The following SEC14L1 variants were observed in gnomAD, a reference collection of about 807,000 sequenced individuals.
SEC14L1 encodes SEC14 like lipid binding 1, also known as SEC14-like protein 1.
SEC14L1 carries 48 observed loss-of-function variants against 85.3 expected under a neutral mutation model. The observed-to-expected ratio is 0.56, with a 90% CI of 0.45 to 0.72. SEC14L1 has a LOEUF of 0.72. SEC14L1 is among the 30% of genes least tolerant of loss of function. The probability of loss-of-function intolerance (pLI) is 0.00; values close to 1 mark genes in which losing one functional copy is unlikely to be tolerated. For synonymous variants in SEC14L1, 391 were observed against 355.5 expected (o/e 1.10, Z -1.12); for missense variants, 682 against 921.4 (o/e 0.74, Z 3.36).
At chr17:77,119,792 A>C (rs1972254221) in intron 3 of SEC14L1, among the ~76,000 whole-genome samples, 1 of 152,148 alleles carries the variant, frequency 6.6e-6, no homozygotes, top group African/African-American at 2.4e-5. Flanking sequence ...CCTGCACTTA[A>C]ACCTACCAGC....
rs1023045652 is a variant in SEC14L1 at position 77,214,915 on chromosome 17, G to A, written c.*892G>A. The A allele has an allele frequency of 4.4e-5, 43 of 985,354 alleles. No homozygotes were observed. The South Asian group carries it at 9.4e-4, about 22-fold the overall frequency. 61.0% of individuals were successfully genotyped at this position (985,354 alleles called of 1,614,324 possible). A position where few individuals can be genotyped will look rare whatever the true frequency, so the allele number is the denominator to read the frequency against. On this transcript the variant is annotated 3_prime_UTR_variant, in exon 17 of 17. Coordinates refer to ENST00000436233, the MANE Select transcript of SEC14L1 (RefSeq NM_001143998.2). ...AGACAGTTCCAGCCACTAGGAGGCC[G>A]TCTTGGAACCAGCAAGTCGCATTTG... is the stretch of plus-strand genomic sequence containing the variant.
chr17:77,101,427 C>G (rs1971775793), intron 3 of SEC14L1, among the ~76,000 whole-genome samples: 1 of 152,196 alleles, frequency 6.6e-6, no homozygotes. Flanking sequence ...ACCCGCCCAC[C>G]TCAGCCTCCC....
At chr17:77,184,210 A>T (rs1975169069) in intron 3 of SEC14L1, among the ~76,000 whole-genome samples, 1 of 152,176 alleles carries the variant, frequency 6.6e-6, no homozygotes, top group African/African-American at 2.4e-5. Context: ...GCTGGGGCTC[A>T]GTTCAGTCAT....
Position 77,214,585 on chromosome 17 carries a change from T to C in SEC14L1, c.*562T>C. 1 of 988,088 alleles carries C rather than the reference T, an allele frequency of 1.0e-6. No homozygotes were observed. The highest frequency in any genetic ancestry group is 1.2e-6 in the Non-Finnish European group (1 of 831,674). 61.2% of individuals were successfully genotyped at this position (988,088 alleles called of 1,614,324 possible). The stretch of plus-strand genomic sequence containing the variant: ...TTCAGAGGTTGCCTGCGGAGTACCT[T>C]GTCCCAGGGCCAGACACACCCACAC... On this transcript the variant is annotated 3_prime_UTR_variant, in exon 17 of 17. Coordinates refer to ENST00000436233, the MANE Select transcript of SEC14L1 (RefSeq NM_001143998.2).
At chr17:77,131,019 G>A (rs1357217747) in intron 3 of SEC14L1, among the ~76,000 whole-genome samples, 2 of 152,122 alleles carry the variant, frequency 1.3e-5, no homozygotes, top group African/African-American at 2.4e-5. Context: ...AATTAGTGAC[G>A]ATGGTACCCA....
chr17:77,214,334 A>T lies in SEC14L1; in HGVS notation c.*311A>T, dbSNP rs1367871397. The T allele has an allele frequency of 4.6e-6, 5 of 1,097,330 alleles. No homozygotes were observed. The highest frequency in any genetic ancestry group is 5.6e-6 in the Non-Finnish European group (5 of 899,222). 68.0% of individuals were successfully genotyped at this position (1,097,330 alleles called of 1,614,324 possible). ...TTAAAGGATTGACGTGGTCTCAGAT[A>T]TTGATGCAAAAAATTTTTCCAACGA... On this transcript the variant is annotated 3_prime_UTR_variant, in exon 17 of 17. Coordinates refer to ENST00000436233, the MANE Select transcript of SEC14L1 (RefSeq NM_001143998.2).
At chr17:77,132,545 C>A (rs1972644029) in intron 3 of SEC14L1, among the ~76,000 whole-genome samples, 2 of 152,134 alleles carry the variant, frequency 1.3e-5, no homozygotes, top group South Asian at 4.1e-4. Flanking sequence ...GCATTAAACA[C>A]AACCCCCCAG....
intron 7 of SEC14L1, among the ~76,000 whole-genome samples, chr17:77,195,237 C>A (rs1259462253): frequency 2.0e-5 from 3 of 151,898 alleles, no homozygotes. Flanking sequence ...CTCAAGCAAT[C>A]CTTCTGCCTC....
intron 3 of SEC14L1, among the ~76,000 whole-genome samples, chr17:77,184,851 G>T (rs1161867003): frequency 6.6e-6 from 1 of 152,144 alleles, no homozygotes; most frequent in East Asian, 1.9e-4. Flanking sequence ...GTTTTTCAGG[G>T]CCTGCTTACA....
At chr17:77,108,199 A>G (rs998475975) in intron 3 of SEC14L1, among the ~76,000 whole-genome samples, 1 of 152,120 alleles carries the variant, frequency 6.6e-6, no homozygotes, top group African/African-American at 2.4e-5. Flanking sequence ...TGTGCTCAAT[A>G]AAGCCCATGG....
intron 3 of SEC14L1, among the ~76,000 whole-genome samples, chr17:77,133,976 C>T (rs1402171510): frequency 6.7e-6 from 1 of 150,172 alleles, no homozygotes; most frequent in Non-Finnish European, 1.5e-5. Context: ...GCGAGGGGCA[C>T]AGTCACGGTG....
At chr17:77,185,785 C>T (rs1975239588) in intron 3 of SEC14L1, among the ~76,000 whole-genome samples, 1 of 151,948 alleles carries the variant, frequency 6.6e-6, no homozygotes, top group Non-Finnish European at 1.5e-5. Flanking sequence ...AACCTGTTTT[C>T]CTAGGAATTG....
At chr17:77,161,168 T>A (rs1172144307) in intron 3 of SEC14L1, among the ~76,000 whole-genome samples, 1 of 152,204 alleles carries the variant, frequency 6.6e-6, no homozygotes, top group East Asian at 1.9e-4. Flanking sequence ...ACTAGTTTGT[T>A]TGCACCTATT....
At chr17:77,127,625 C>T (rs1404263358) in intron 3 of SEC14L1, among the ~76,000 whole-genome samples, 1 of 152,170 alleles carries the variant, frequency 6.6e-6, no homozygotes, top group African/African-American at 2.4e-5. Context: ...GCTGGGATTA[C>T]AGGCGTAAGC....
chr17:77,128,901 A>C (rs1972531638), intron 3 of SEC14L1, among the ~76,000 whole-genome samples: 1 of 152,096 alleles, frequency 6.6e-6, no homozygotes, highest in African/African-American at 2.4e-5. Flanking sequence ...AATTATAGAC[A>C]ATGGTTTGCC....
intron 6 of SEC14L1, among the ~76,000 whole-genome samples, chr17:77,194,047 G>A (rs1187094610): frequency 1.3e-5 from 2 of 152,178 alleles, no homozygotes; most frequent in Non-Finnish European, 2.9e-5. Flanking sequence ...AGGGTACTGT[G>A]TTGGAAAGAA....
At chr17:77,211,883 G>T in intron 14 of SEC14L1, 67 bp from the exon 15 acceptor site, 1 of 1,581,254 alleles carries the variant, frequency 6.3e-7, no homozygotes, top group South Asian at 1.2e-5. Context: ...TGGAGAGCAC[G>T]ATGCGCTCGC....
At chr17:77,112,761 C>G (rs181750023) in intron 3 of SEC14L1, among the ~76,000 whole-genome samples, 43 of 151,898 alleles carry the variant, frequency 2.8e-4, no homozygotes, top group Admixed American at 1.1e-3. Context: ...GTAGTCCCAG[C>G]TACTTGGGAG....
intron 3 of SEC14L1, among the ~76,000 whole-genome samples, chr17:77,109,157 G>C (rs889984067): frequency 6.6e-6 from 1 of 151,946 alleles, no homozygotes; most frequent in Non-Finnish European, 1.5e-5. Context: ...GCTGAAGAAA[G>C]CAGAAACAGA....
Sources: allele counts gnomAD v4.1 joint callset (sites outside exome capture counted in the v4.1 genomes callset), GRCh38; gene constraint gnomAD v4.1.1; transcripts MANE v1.5; gene names NCBI Gene and HGNC (gene_info 2026-07-23, HGNC 2026-07-21).